The following CNKSR3 variants were observed in gnomAD, a reference collection of about 807,000 sequenced individuals.
The protein encoded by CNKSR3 is connector enhancer of kinase suppressor of ras 3.
In CNKSR3, 36 loss-of-function variants were observed where a neutral mutation model predicts 67.7. The ratio of observed to expected loss-of-function variants is 0.53; its 90% CI spans 0.41 to 0.70. CNKSR3 has a LOEUF of 0.70. CNKSR3 is among the 30% of genes least tolerant of loss of function. The pLI, the probability that CNKSR3 is intolerant of heterozygous loss-of-function variation, is 0.00. For missense variants in CNKSR3, 630 were observed against 695.2 expected, an observed-to-expected ratio of 0.91 and a Z score of 1.05; for synonymous variants, 281 against 271.4, an observed-to-expected ratio of 1.04 and a Z score of -0.35.
intron 6 of CNKSR3, among the ~76,000 whole-genome samples, chr6:154,429,784 C>T (rs552740318): frequency 5.9e-5 from 9 of 152,170 alleles, no homozygotes; most frequent in African/African-American, 2.2e-4. Context: ...CATTAATGCA[C>T]ACGTACTATA....
At chr6:154,447,679 T>C (rs549253663) in intron 2 of CNKSR3, among the ~76,000 whole-genome samples, 2 of 152,314 alleles carry the variant, frequency 1.3e-5, no homozygotes, top group East Asian at 3.9e-4. Flanking sequence ...ATTGATACTT[T>C]CCAGTGGTTT....
intron 1 of CNKSR3, among the ~76,000 whole-genome samples, chr6:154,490,397 G>A (rs1352597147): frequency 6.6e-6 from 1 of 152,096 alleles, no homozygotes; most frequent in African/African-American, 2.4e-5. Context: ...TTATATGTAT[G>A]TATCTAAGTA....
In CNKSR3 at chr6:154,391,645, G is replaced by T. The variant is rs1281325166; in HGVS notation, c.*14709C>A. ...AACGTAATTTAGTTCATGCCATTTT[G>T]TGTCACTTTGTGTCTTCTTTTGCTT... On this transcript the variant is annotated 3_prime_UTR_variant, in exon 13 of 13. Transcript: ENST00000607772. 1.3e-5 allele frequency: 2 copies of T among 152,208 alleles called. No individual in the cohort carries two copies. The highest frequency in any genetic ancestry group is 2.9e-5 in the Non-Finnish European group (2 of 68,034). 9.4% of individuals were successfully genotyped at this position (152,208 alleles called of 1,614,324 possible).
Position 154,453,030 on chromosome 6 carries a change from T to C in CNKSR3, c.53-2772A>G, listed in dbSNP as rs571751563. Among the ~76,000 whole-genome samples, 4 of 152,346 alleles carry C rather than the reference T, an allele frequency of 2.6e-5. No individual in the cohort carries two copies. The South Asian group carries it at 8.3e-4, about 32-fold the overall frequency. On this transcript the variant is annotated intron_variant, in intron 1 of 12. Transcript: ENST00000607772. The stretch of plus-strand genomic sequence containing the variant: ...TCCTTTCATATTAATCCACACGTGA[T>C]GGACTGTCTTAAACAAGGCCCAGTC...
At chr6:154,481,244 T>A (rs1400567538) in intron 1 of CNKSR3, among the ~76,000 whole-genome samples, 1 of 152,202 alleles carries the variant, frequency 6.6e-6, no homozygotes, top group Non-Finnish European at 1.5e-5. Context: ...TTTGGCTTAT[T>A]TATTTATGCT....
chr6:154,450,015 A>T, intron 2 of CNKSR3, 80 bp downstream of exon 2: 2 of 1,347,052 alleles, frequency 1.5e-6, no homozygotes, highest in South Asian at 1.4e-5. Context: ...TGATATGCTA[A>T]ATCACAAACA....
chr6:154,393,854 G>GGCTT lies in CNKSR3; in HGVS notation c.*12499_*12500insAAGC, dbSNP rs1177565657. 1 of 152,138 alleles carries GGCTT rather than the reference G, an allele frequency of 6.6e-6. No homozygotes were observed. Among genetic ancestry groups the GGCTT allele is most frequent in the African/African-American group, 2.4e-5 (1 of 41,434 alleles). The allele number at this position is 152,138 out of a possible 1,614,324, so 9.4% of individuals were successfully genotyped here. A position where few individuals can be genotyped will look rare whatever the true frequency, so the allele number is the denominator to read the frequency against. ...CCATATACCAAGCCTTGCAAAACAT[G>GGCTT]GCAAAATAAATGTTTTGGGGAAAAT... On this transcript the variant is annotated 3_prime_UTR_variant, in exon 13 of 13. Transcript: ENST00000607772.
intron 1 of CNKSR3, among the ~76,000 whole-genome samples, chr6:154,497,322 T>G (rs1420721956): frequency 6.6e-6 from 1 of 151,588 alleles, no homozygotes; most frequent in Non-Finnish European, 1.5e-5. Flanking sequence ...GCCCCGGAGG[T>G]CAAAGCTGCA....
chr6:154,417,302 G>A (rs1199567626), intron 9 of CNKSR3, among the ~76,000 whole-genome samples: 3 of 152,168 alleles, frequency 2.0e-5, no homozygotes, highest in Non-Finnish European at 4.4e-5. Context: ...CCTTGACTAA[G>A]GGTCCCACAA....
intron 1 of CNKSR3, among the ~76,000 whole-genome samples, chr6:154,476,629 G>A (rs965078917): frequency 1.3e-5 from 2 of 152,176 alleles, no homozygotes. Flanking sequence ...GCCAAGGACA[G>A]TAACTTAGAA....
intron 1 of CNKSR3, among the ~76,000 whole-genome samples, chr6:154,463,425 C>T (rs1307009044): frequency 1.4e-5 from 2 of 145,402 alleles, no homozygotes; most frequent in Non-Finnish European, 1.5e-5. Flanking sequence ...AACCCACTGG[C>T]ACATGGGCTG....
Position 154,402,918 on chromosome 6 carries a change from G to A in CNKSR3, c.*3436C>T, listed in dbSNP as rs1784733136. On this transcript the variant is annotated 3_prime_UTR_variant, in exon 13 of 13. Transcript: ENST00000607772. The stretch of plus-strand genomic sequence containing the variant: ...TACATCTTGTAATATAACCATGCTA[G>A]AATATGTACATATGAAAATAATTAT... 1.3e-5 allele frequency: 2 copies of A among 152,056 alleles called. No individual in the cohort carries two copies. The highest frequency in any genetic ancestry group is 2.9e-5 in the Non-Finnish European group (2 of 68,022). 9.4% of individuals were successfully genotyped at this position (152,056 alleles called of 1,614,324 possible).
Position 154,461,815 on chromosome 6 carries a change from G to T in CNKSR3, c.53-11557C>A, listed in dbSNP as rs137871856. Among the ~76,000 whole-genome samples the T allele has an allele frequency of 1.2e-3, 181 of 152,338 alleles. 1 individual carries two copies. Among genetic ancestry groups the T allele is most frequent in the African/African-American group, 4.1e-3 (169 of 41,586 alleles). ...ATAATAGGCAGAGTCAGGATTTAAA[G>T]CCATTTCCCAGAATTGTGAAAGGAG... On this transcript the variant is annotated intron_variant, in intron 1 of 12. Coordinates refer to ENST00000607772, the MANE Select transcript of CNKSR3 (RefSeq NM_173515.4).
At position 154,414,405 on chromosome 6, in the gene CNKSR3, T is replaced by C; in HGVS notation, c.964A>G (p.Thr322Ala). The change falls in exon 10 of 13, where the codon ACA becomes GCA. Residue 322 changes from threonine (T) to alanine (A), a missense_variant. Thr to Ala is a moderately conservative substitution (Grantham distance 58). Around this residue, in one of 3 missense-constraint regions of CNKSR3, gnomAD observed 133 missense variants for 190.6 expected, o/e 0.70. Coordinates refer to ENST00000607772, the MANE Select transcript of CNKSR3 (RefSeq NM_173515.4). ...PLVQTSPPPATTQSPESTMDT... is the reference protein window; with the variant it reads ...PLVQTSPPPAATQSPESTMDT... ...ATAGTGCTTTCAGGGGACTGGGTTG[T>C]CGCGGGTGGAGGTGAGGTCTGAAAC... 6.2e-7 allele frequency: 1 copy of C among 1,600,122 alleles called. No homozygotes were observed. The highest frequency in any genetic ancestry group is 8.5e-7 in the Non-Finnish European group (1 of 1,175,138).
At chr6:154,464,722 A>T (rs370531670) in intron 1 of CNKSR3, among the ~76,000 whole-genome samples, 35 of 151,742 alleles carry the variant, frequency 2.3e-4, no homozygotes, top group African/African-American at 8.5e-4. Context: ...CTCAGAAAAA[A>T]AAAAGGAAAA....
At chr6:154,450,343 T>A in intron 1 of CNKSR3, 85 bp from the exon 2 acceptor site, 2 of 1,353,542 alleles carry the variant, frequency 1.5e-6, no homozygotes, top group South Asian at 2.6e-5. Flanking sequence ...CACATCAATC[T>A]CAGCAATCAA....
intron 1 of CNKSR3, among the ~76,000 whole-genome samples, chr6:154,501,077 G>A (rs1369795502): frequency 1.3e-5 from 2 of 152,176 alleles, no homozygotes; most frequent in African/African-American, 2.4e-5. Context: ...AGGAGCCAGG[G>A]GCAGAGGAGA....
chr6:154,472,651 A>C (rs1786355938), intron 1 of CNKSR3, among the ~76,000 whole-genome samples: 1 of 152,226 alleles, frequency 6.6e-6, no homozygotes, highest in Non-Finnish European at 1.5e-5. Context: ...CATGCCGCCA[A>C]CAGCTACAAC....
intron 1 of CNKSR3, among the ~76,000 whole-genome samples, chr6:154,465,271 C>T (rs1786173144): frequency 6.6e-6 from 1 of 151,682 alleles, no homozygotes; most frequent in African/African-American, 2.4e-5. Flanking sequence ...ACAATAGGGT[C>T]GATCTATCTT....
Sources: allele counts gnomAD v4.1 joint callset (sites outside exome capture counted in the v4.1 genomes callset), GRCh38; gene constraint gnomAD v4.1.1; regional missense constraint gnomAD v4.1.1; transcripts MANE v1.5; gene names NCBI Gene and HGNC (gene_info 2026-07-23, HGNC 2026-07-21).